Variants in SEPTIN2 observed in about 807,000 individuals in gnomAD.
The protein encoded by SEPTIN2 is septin-2.
A neutral mutation model predicts 46.5 loss-of-function variants in SEPTIN2; 34 were observed. The observed-to-expected ratio is 0.73, with a 90% CI of 0.56 to 0.97. SEPTIN2 has a LOEUF of 0.97. Ranked by LOEUF, SEPTIN2 falls within the 50% of genes least tolerant of loss-of-function variation. The pLI is 0.00. For missense variants in SEPTIN2, 347 were observed against 448.4 expected (o/e 0.77, Z 2.04); for synonymous variants, 175 against 153.4 (o/e 1.14, Z -1.04).
intron 1 of SEPTIN2, chr2:241,317,592 G>A (rs2076549965): frequency 1.0e-6 from 1 of 981,288 alleles, no homozygotes; most frequent in African/African-American, 1.8e-5. Context: ...TTTGGCAGCA[G>A]AGGTGAGGTA....
chr2:241,328,870 A>C (rs903206146), intron 3 of SEPTIN2, among the ~76,000 whole-genome samples: 2 of 150,710 alleles, frequency 1.3e-5, no homozygotes, highest in African/African-American at 4.9e-5. Flanking sequence ...AAAATACAAA[A>C]TTAGCCGGGC....
intron 1 of SEPTIN2, among the ~76,000 whole-genome samples, chr2:241,322,138 AT>A (rs2077216500): frequency 6.6e-6 from 1 of 152,106 alleles, no homozygotes; most frequent in African/African-American, 2.4e-5. Context: ...GGAAGTTAAG[AT>A]TTGGGGGAGG....
rs757211827 is a variant in SEPTIN2, at chr2:241,346,245, G to A, written c.922G>A (p.Gly308Ser). 25 of 1,613,214 alleles carry A rather than the reference G, an allele frequency of 1.5e-5. No individual in the cohort carries two copies. In the East Asian group the frequency reaches 2.0e-4, roughly 13 times the overall value. The part of the protein sequence containing the change: ...NFRSERLKRG[G>S]RKVENEDMNK... ...CCGTTCTGAGAGACTCAAGAGAGGC[G>A]GCAGGTCATCACACTGTGCCCCTTT... Residue 308 changes from glycine to serine, a missense_variant, in exon 10 of 13, where the codon GGC (glycine) becomes AGC (serine). Gly to Ser is a moderately conservative substitution (Grantham distance 56). Transcript: ENST00000391971.
At position 241,324,591 on chromosome 2, in the gene SEPTIN2, T is replaced by A. The variant is rs548407487; in HGVS notation, c.9+350T>A. On this transcript the variant is annotated intron_variant, in intron 2 of 12. Coordinates refer to ENST00000391971, the MANE Select transcript of SEPTIN2 (RefSeq NM_004404.5). ...TAGTAAATTCGGGGTTTCACCGTGTTGGCCAGGATGGCCTTGATCTGTTGA... is the reference window on the plus strand; with the variant it reads ...TAGTAAATTCGGGGTTTCACCGTGTAGGCCAGGATGGCCTTGATCTGTTGA... 7.1e-4 allele frequency: 259 copies of A among 364,742 alleles called. 5 individuals carry two copies. The highest frequency in any genetic ancestry group is 5.3e-3 in the South Asian group (251 of 47,482). The allele number at this position is 364,742 out of a possible 1,614,324, so 22.6% of individuals were successfully genotyped here.
chr2:241,332,253 CAG>C (rs887178642), intron 3 of SEPTIN2, among the ~76,000 whole-genome samples: 8 of 152,276 alleles, frequency 5.3e-5, no homozygotes, highest in Admixed American at 1.3e-4. Context: ...GTGAGGAACT[CAG>C]AAAGTATTCA....
chr2:241,344,139 C>T lies in SEPTIN2; in HGVS notation c.842+242C>T, dbSNP rs75689580. Among the ~76,000 whole-genome samples, 576 of 152,262 alleles carry T rather than the reference C, an allele frequency of 3.8e-3. 11 individuals carry two copies. The highest frequency in any genetic ancestry group is 9.3e-3 in the East Asian group (48 of 5,188). ...GCCTGTGGCCTGTAGCCTGCAGTAC[C>T]TTTCCTTCTTGCTAAGATCTTACAT... is the stretch of plus-strand genomic sequence containing the variant. On this transcript the variant is annotated intron_variant, in intron 9 of 12. Coordinates refer to ENST00000391971, the MANE Select transcript of SEPTIN2 (RefSeq NM_004404.5).
At chr2:241,338,802 C>CATATTATATTTATATTATTTATATATAAT (rs2080652569) in intron 7 of SEPTIN2, among the ~76,000 whole-genome samples, 1 of 81,260 alleles carries the variant, frequency 1.2e-5, no homozygotes, top group Non-Finnish European at 2.1e-5. Flanking sequence ...ATATATAATA[C>CATATTATATTTATATTATTTATATATAAT]ATATTATATT....
At chr2:241,317,447 C>A (rs2076518323) in intron 1 of SEPTIN2, 5 of 720,590 alleles carry the variant, frequency 6.9e-6, no homozygotes, top group Non-Finnish European at 8.5e-6. Flanking sequence ...CCAGGGTTTC[C>A]CTCTATCATT....
In SEPTIN2 at chr2:241,335,156, T is replaced by C; in HGVS notation, c.161T>C (p.Ile54Thr). 6.2e-7 allele frequency: 1 copy of C among 1,613,878 alleles called. No individual in the cohort carries two copies. Among genetic ancestry groups the C allele is most frequent in the Non-Finnish European group, 8.5e-7 (1 of 1,179,820 alleles). ...TCAGGTCTAGGAAAATCGACTCTCA[T>C]AAACAGCCTATTCCTAACTGATCTG... ...GESGLGKSTL[I>T]NSLFLTDLYP... Residue 54 changes from isoleucine to threonine, a missense_variant, in exon 4 of 13, where the codon ATA (isoleucine) becomes ACA (threonine). Transcript: ENST00000391971.
chr2:241,345,349 C>G (rs932024889), intron 9 of SEPTIN2, among the ~76,000 whole-genome samples: 1 of 152,186 alleles, frequency 6.6e-6, no homozygotes, highest in African/African-American at 2.4e-5. Context: ...AGAAGTTAAG[C>G]GCACTCAGCC....
At chr2:241,335,360 G>A in intron 4 of SEPTIN2, 148 bp downstream of exon 4, 1 of 1,552,436 alleles carries the variant, frequency 6.4e-7, no homozygotes, top group Non-Finnish European at 8.7e-7. Flanking sequence ...GGGTAGGTGT[G>A]CTGCACCGAG....
chr2:241,343,349 AT>A (rs1344713847), intron 8 of SEPTIN2, among the ~76,000 whole-genome samples: 3 of 152,140 alleles, frequency 2.0e-5, no homozygotes, highest in Non-Finnish European at 2.9e-5. Flanking sequence ...AAATACAAAA[AT>A]TAGGTGGATG....
intron 1 of SEPTIN2, among the ~76,000 whole-genome samples, chr2:241,321,196 GTCCTTGCACATACTGTGTTTACTGAA>G (rs1227362815): frequency 6.6e-6 from 1 of 151,924 alleles, no homozygotes; most frequent in African/African-American, 2.4e-5. Context: ...GTTCTTCTCT[GTCCTTGCACATACTGTGTTTACTGAA>G]TCTGTCCGGT....
At chr2:241,327,760 G>T (rs1029836784) in intron 3 of SEPTIN2, among the ~76,000 whole-genome samples, 3 of 152,058 alleles carry the variant, frequency 2.0e-5, no homozygotes, top group Admixed American at 2.0e-4. Flanking sequence ...TTTAAAAGTA[G>T]CCAGATCAGG....
At chr2:241,342,904 C>T in intron 7 of SEPTIN2, 88 bp from the exon 8 acceptor site, 2 of 681,780 alleles carry the variant, frequency 2.9e-6, no homozygotes, top group Non-Finnish European at 2.6e-6. Context: ...GTATGATTTC[C>T]AATATATTTC....
intron 11 of SEPTIN2, among the ~76,000 whole-genome samples, chr2:241,348,935 T>C (rs1164478300): frequency 6.6e-6 from 1 of 152,226 alleles, no homozygotes; most frequent in Non-Finnish European, 1.5e-5. Context: ...AATTCAATAT[T>C]GATCAAATAT....
rs79186041 is a variant in SEPTIN2 at position 241,349,020 on chromosome 2, C to G, written c.984+829C>G. 6.8e-3 allele frequency among the ~76,000 whole-genome samples: 1,039 copies of G among 152,208 alleles called. 10 individuals carry two copies. Among genetic ancestry groups the G allele is most frequent in the African/African-American group, 0.023 (972 of 41,518 alleles). ...TTATAATACTTTCCTGGAGGCATTT[C>G]TGAACACATACAAATCATAATGATA... On this transcript the variant is annotated intron_variant, in intron 11 of 12. Transcript: ENST00000391971.
chr2:241,346,026 A>C (rs2060202009), intron 9 of SEPTIN2, 140 bp from the exon 10 acceptor site: 3 of 594,764 alleles, frequency 5.0e-6, no homozygotes, highest in Non-Finnish European at 9.2e-6. Flanking sequence ...CATTATCCTG[A>C]AATCCCAGCA....
chr2:241,315,621 T>A (rs981826893), upstream of SEPTIN2: 2 of 152,248 alleles, frequency 1.3e-5, no homozygotes, highest in Non-Finnish European at 2.9e-5. Flanking sequence ...GTAGGAACTG[T>A]GGCGAAACAG....
Sources: allele counts gnomAD v4.1 joint callset (sites outside exome capture counted in the v4.1 genomes callset), GRCh38; gene constraint gnomAD v4.1.1; transcripts MANE v1.5; gene names NCBI Gene and HGNC (gene_info 2026-07-23, HGNC 2026-07-21).